The following FBXO16 variants were observed in gnomAD, a reference collection of about 807,000 sequenced individuals.
The protein encoded by FBXO16 is F-box only protein 16.
In FBXO16, 31 loss-of-function variants were observed where a neutral mutation model predicts 41.0. That is an observed-to-expected ratio of 0.76 (90% CI 0.57 to 1.02). The LOEUF (loss-of-function observed/expected upper bound fraction) is 1.02. Ranked by LOEUF, FBXO16 falls within the 50% of genes least tolerant of loss-of-function variation. The pLI is 0.00. For missense variants in FBXO16, 361 were observed against 346.2 expected (o/e 1.04, Z -0.34); for synonymous variants, 133 against 117.8 (o/e 1.13, Z -0.84).
chr8:28,443,409 G>A (rs1014200806), intron 7 of FBXO16, among the ~76,000 whole-genome samples: 13 of 152,056 alleles, frequency 8.5e-5, no homozygotes, highest in African/African-American at 2.9e-4. Flanking sequence ...TTAGGCGTGA[G>A]GAATCTTCAA....
chr8:28,453,310 A>G (rs1332170035), intron 5 of FBXO16, among the ~76,000 whole-genome samples: 4 of 150,534 alleles, frequency 2.7e-5, no homozygotes, highest in Non-Finnish European at 5.9e-5. Flanking sequence ...CTAGTTTGTC[A>G]CAACTGCAGC....
chr8:28,443,144 G>A (rs1802807336), intron 7 of FBXO16, among the ~76,000 whole-genome samples: 1 of 151,926 alleles, frequency 6.6e-6, no homozygotes, highest in South Asian at 2.1e-4. Flanking sequence ...TCAGCCTCCA[G>A]AGTAGCTGGA....
At chr8:28,476,479 G>C (rs1330601045) in intron 2 of FBXO16, among the ~76,000 whole-genome samples, 1 of 152,188 alleles carries the variant, frequency 6.6e-6, no homozygotes, top group East Asian at 1.9e-4. Flanking sequence ...CCCTGGTTTG[G>C]AGCAAGTCTT....
intron 3 of FBXO16, among the ~76,000 whole-genome samples, chr8:28,469,128 G>A (rs375109808): frequency 6.6e-4 from 101 of 151,910 alleles, no homozygotes; most frequent in African/African-American, 2.2e-3. Flanking sequence ...GACCAACATG[G>A]AGAAACCCCA....
intron 4 of FBXO16, among the ~76,000 whole-genome samples, 174 bp downstream of exon 4, chr8:28,463,436 GTA>G (rs1392567772): frequency 6.6e-6 from 1 of 151,278 alleles, no homozygotes; most frequent in African/African-American, 2.4e-5. Context: ...GTGTATATGT[GTA>G]TGTGTGTGTT....
chr8:28,465,570 A>C (rs1803223282), intron 3 of FBXO16: 1 of 227,820 alleles, frequency 4.4e-6, no homozygotes, highest in Non-Finnish European at 9.3e-6. Flanking sequence ...AGCTGTGGTC[A>C]TGCCATTGCA....
chr8:28,472,406 C>T (rs1803352633), intron 3 of FBXO16, among the ~76,000 whole-genome samples: 2 of 152,142 alleles, frequency 1.3e-5, no homozygotes, highest in African/African-American at 4.8e-5. Flanking sequence ...TGACCCATAT[C>T]CACCTTTCTG....
At chr8:28,431,825 T>G (rs1253263102) in intron 7 of FBXO16, among the ~76,000 whole-genome samples, 1 of 152,206 alleles carries the variant, frequency 6.6e-6, no homozygotes, top group East Asian at 1.9e-4. Flanking sequence ...GCTTGTTCAT[T>G]TTTTGAATAG....
intron 7 of FBXO16, among the ~76,000 whole-genome samples, chr8:28,435,363 G>A (rs1802672769): frequency 6.6e-6 from 1 of 151,998 alleles, no homozygotes; most frequent in Non-Finnish European, 1.5e-5. Context: ...TAGCAGAGAT[G>A]GGGTTTCACC....
At position 28,452,229 on chromosome 8, in the gene FBXO16, C is replaced by T; in HGVS notation, c.740+15G>A. ...CTAAAAACGAAGAAGTTGAGAAGAG[C>T]ATGGAGCTTCTTACCCTTGCTGGAC... is the stretch of plus-strand genomic sequence containing the variant. On this transcript the variant is annotated intron_variant, in intron 6 of 8. Coordinates refer to ENST00000380254, the MANE Select transcript of FBXO16 (RefSeq NM_172366.4). 1 of 1,605,600 alleles carries T rather than the reference C, an allele frequency of 6.2e-7. No individual in the cohort carries two copies. Among genetic ancestry groups the T allele is most frequent in the Non-Finnish European group, 8.5e-7 (1 of 1,173,612 alleles).
At chr8:28,444,622 C>T (rs1435817917) in intron 7 of FBXO16, among the ~76,000 whole-genome samples, 5 of 150,262 alleles carry the variant, frequency 3.3e-5, no homozygotes, top group Non-Finnish European at 5.9e-5. Context: ...GGACTACAAG[C>T]ACCCGCCACT....
intron 7 of FBXO16, among the ~76,000 whole-genome samples, chr8:28,434,077 C>T (rs1802651927): frequency 6.6e-6 from 1 of 151,496 alleles, no homozygotes; most frequent in South Asian, 2.1e-4. Context: ...TCTTCTGCCT[C>T]AGCCTACTGA....
intron 7 of FBXO16, among the ~76,000 whole-genome samples, chr8:28,437,717 T>C (rs539107953): frequency 1.3e-5 from 2 of 150,936 alleles, no homozygotes; most frequent in South Asian, 4.2e-4. Flanking sequence ...TACCAAAATT[T>C]GAAAAATTAA....
intron 7 of FBXO16, among the ~76,000 whole-genome samples, chr8:28,441,330 G>T (rs1481669325): frequency 6.6e-6 from 1 of 152,174 alleles, no homozygotes; most frequent in Admixed American, 6.6e-5. Context: ...CCTAGAGTCT[G>T]CTGACATCCT....
chr8:28,485,193 G>A (rs1246027915), intron 1 of FBXO16, among the ~76,000 whole-genome samples: 1 of 152,076 alleles, frequency 6.6e-6, no homozygotes, highest in Non-Finnish European at 1.5e-5. Flanking sequence ...TATTTTTTGA[G>A]AAGGAGTCTT....
At chr8:28,457,083 CTG>C (rs1217377554) in intron 4 of FBXO16, among the ~76,000 whole-genome samples, 153 bp from the exon 5 acceptor site, 1 of 152,184 alleles carries the variant, frequency 6.6e-6, no homozygotes, top group Non-Finnish European at 1.5e-5. Flanking sequence ...TACCTCCTAC[CTG>C]AAGTGTTTCC....
chr8:28,439,272 A>T (rs923952276), intron 7 of FBXO16, among the ~76,000 whole-genome samples: 19 of 152,146 alleles, frequency 1.2e-4, no homozygotes, highest in African/African-American at 4.6e-4. Context: ...ATCTGAAGTC[A>T]TATTGTTTAG....
chr8:28,437,216 CAAAT>C (rs1313846918), intron 7 of FBXO16, among the ~76,000 whole-genome samples: 1 of 152,104 alleles, frequency 6.6e-6, no homozygotes, highest in East Asian at 1.9e-4. Context: ...AAAATAAAAA[CAAAT>C]AGCCATTTGG....
At chr8:28,474,303 A>G (rs1271245554) in intron 2 of FBXO16, among the ~76,000 whole-genome samples, 2 of 123,018 alleles carry the variant, frequency 1.6e-5, no homozygotes, top group Non-Finnish European at 3.2e-5. Flanking sequence ...TGGGTAACAG[A>G]GCCAGACCCT....
Sources: allele counts gnomAD v4.1 joint callset (sites outside exome capture counted in the v4.1 genomes callset), GRCh38; gene constraint gnomAD v4.1.1; transcripts MANE v1.5; gene names NCBI Gene and HGNC (gene_info 2026-07-23, HGNC 2026-07-21).